TENM4: variants seen among roughly 807,000 people sequenced by gnomAD.
TENM4 encodes teneurin transmembrane protein 4.
A neutral mutation model predicts 243.3 loss-of-function variants in TENM4; 82 were observed. That is an observed-to-expected ratio of 0.34 (90% CI 0.28 to 0.40). The LOEUF (loss-of-function observed/expected upper bound fraction) is 0.40, where lower values mean the gene tolerates loss of function less well. TENM4 is among the 10% of genes least tolerant of loss of function. TENM4 has a pLI of 1.00. For synonymous variants in TENM4, 1,412 were observed against 1,456.3 expected (o/e 0.97, Z 0.69); for missense variants, 3,138 against 3,673.3 (o/e 0.85, Z 3.77).
intron 1 of TENM4, among the ~76,000 whole-genome samples, chr11:79,385,857 C>T (rs1443017509): frequency 6.6e-6 from 1 of 152,144 alleles, no homozygotes; most frequent in African/African-American, 2.4e-5. Context: ...CCCCTCCTCC[C>T]TCCAAGTTAC....
chr11:79,089,444 A>G (rs1860894021), intron 4 of TENM4, among the ~76,000 whole-genome samples: 1 of 152,220 alleles, frequency 6.6e-6, no homozygotes, highest in Non-Finnish European at 1.5e-5. Context: ...GCATAATCTA[A>G]AAGAAAGAGT....
At chr11:79,358,267 A>G (rs1857530549) in intron 1 of TENM4, among the ~76,000 whole-genome samples, 1 of 152,224 alleles carries the variant, frequency 6.6e-6, no homozygotes, top group African/African-American at 2.4e-5. Flanking sequence ...AATGATAAAT[A>G]TTACTAAAAT....
At chr11:79,431,645 G>A (rs765854594) in intron 1 of TENM4, among the ~76,000 whole-genome samples, 2 of 152,182 alleles carry the variant, frequency 1.3e-5, no homozygotes, top group Non-Finnish European at 2.9e-5. Flanking sequence ...CAGCTAGTAA[G>A]ACAAGTGAAA....
chr11:79,363,654 T>C (rs184043882), intron 1 of TENM4, among the ~76,000 whole-genome samples: 1 of 152,368 alleles, frequency 6.6e-6, no homozygotes, highest in East Asian at 1.9e-4. Context: ...GATTTTCATA[T>C]GATATAATTA....
intron 1 of TENM4, among the ~76,000 whole-genome samples, chr11:79,367,029 A>G (rs1056682741): frequency 9.2e-5 from 14 of 152,352 alleles, no homozygotes; most frequent in Non-Finnish European, 1.3e-4. Flanking sequence ...TTGGGCAAAA[A>G]TGTGCTACAA....
At chr11:79,368,102 G>A (rs896684952) in intron 1 of TENM4, among the ~76,000 whole-genome samples, 1 of 152,136 alleles carries the variant, frequency 6.6e-6, no homozygotes, top group African/African-American at 2.4e-5. Context: ...CAACGCCAGA[G>A]TCCCACCCCA....
intron 28 of TENM4, among the ~76,000 whole-genome samples, chr11:78,695,867 G>A (rs1858947946): frequency 6.6e-6 from 1 of 151,092 alleles, no homozygotes; most frequent in Non-Finnish European, 1.5e-5. Context: ...GTGTGTGTGT[G>A]TGTATGTACT....
intron 2 of TENM4, among the ~76,000 whole-genome samples, chr11:79,282,474 T>C (rs1856173969): frequency 6.6e-6 from 1 of 152,236 alleles, no homozygotes. Context: ...CATCATTATC[T>C]TTACTGCAGA....
intron 6 of TENM4, among the ~76,000 whole-genome samples, chr11:78,940,422 C>A (rs1468067445): frequency 1.3e-5 from 2 of 152,144 alleles, no homozygotes; most frequent in East Asian, 3.9e-4. Context: ...AACAGAGGAC[C>A]CCCATCCCCA....
chr11:79,197,493 T>C (rs577906272), intron 3 of TENM4, among the ~76,000 whole-genome samples: 79 of 152,264 alleles, frequency 5.2e-4, no homozygotes, highest in Non-Finnish European at 9.1e-4. Context: ...CCAGGCTGGA[T>C]TGAACCAGGT....
chr11:79,017,013 A>T lies in TENM4; in HGVS notation c.493+47725T>A, dbSNP rs188082304. ...CAGAGTTGTCATGAGGCTCAATGTG[A>T]TGTTTATAGATACATAGCATGGTTC... On this transcript the variant is annotated intron_variant, in intron 6 of 33. Transcript: ENST00000278550. 1.2e-4 allele frequency among the ~76,000 whole-genome samples: 19 copies of T among 152,354 alleles called. No individual in the cohort carries two copies. In the East Asian group the frequency reaches 3.7e-3, roughly 29 times the overall value.
intron 1 of TENM4, among the ~76,000 whole-genome samples, chr11:79,319,850 T>A (rs1024434850): frequency 1.3e-5 from 2 of 152,128 alleles, no homozygotes; most frequent in Non-Finnish European, 2.9e-5. Flanking sequence ...CTCCAACCTG[T>A]CCGGTCCTGA....
At chr11:79,236,091 C>T (rs1864465645) in intron 2 of TENM4, among the ~76,000 whole-genome samples, 1 of 152,100 alleles carries the variant, frequency 6.6e-6, no homozygotes, top group Non-Finnish European at 1.5e-5. Context: ...GGTCCCTGGC[C>T]TATATGGTAC....
chr11:79,262,567 C>A (rs368429031), intron 2 of TENM4, among the ~76,000 whole-genome samples: 3 of 152,180 alleles, frequency 2.0e-5, no homozygotes, highest in South Asian at 2.1e-4. Context: ...CTTTCCCAAC[C>A]CCATTTCCTC....
intron 16 of TENM4, among the ~76,000 whole-genome samples, chr11:78,784,775 T>G (rs1406958785): frequency 2.0e-5 from 3 of 152,206 alleles, no homozygotes; most frequent in Non-Finnish European, 2.9e-5. Context: ...ATGGTTTGAC[T>G]TCTTGGCATC....
chr11:78,962,712 G>A (rs1188099351), intron 6 of TENM4, among the ~76,000 whole-genome samples: 1 of 152,222 alleles, frequency 6.6e-6, no homozygotes, highest in Non-Finnish European at 1.5e-5. Flanking sequence ...TGGCCTCAGT[G>A]GCCTCGCTGA....
intron 6 of TENM4, among the ~76,000 whole-genome samples, chr11:78,911,570 C>T (rs937578353): frequency 3.9e-5 from 6 of 152,148 alleles, no homozygotes; most frequent in Non-Finnish European, 8.8e-5. Flanking sequence ...ACATAATATC[C>T]AATTCATATA....
intron 1 of TENM4, among the ~76,000 whole-genome samples, chr11:79,323,902 C>CACAT (rs1465558984): frequency 3.3e-5 from 5 of 151,072 alleles, no homozygotes; most frequent in Non-Finnish European, 4.4e-5. Flanking sequence ...CACACACACA[C>CACAT]ATATATACAC....
intron 6 of TENM4, among the ~76,000 whole-genome samples, chr11:79,043,264 C>G (rs1859581439): frequency 6.6e-6 from 1 of 152,202 alleles, no homozygotes. Context: ...TCTTTTTATT[C>G]TATGTTGTGT....
Sources: allele counts gnomAD v4.1 joint callset (sites outside exome capture counted in the v4.1 genomes callset), GRCh38; gene constraint gnomAD v4.1.1; transcripts MANE v1.5; gene names NCBI Gene and HGNC (gene_info 2026-07-23, HGNC 2026-07-21).